OTOF: variants seen among roughly 807,000 people sequenced by gnomAD.
OTOF encodes the protein fer-1-like family member 2.
Under a neutral mutation model 236.8 loss-of-function variants are expected in OTOF, and 218 were observed. That is an observed-to-expected ratio of 0.92 (90% CI 0.82 to 1.03). The LOEUF (loss-of-function observed/expected upper bound fraction) is 1.03, where lower values mean the gene tolerates loss of function less well. Among genes scored for constraint, OTOF ranks in the 50% least tolerant of loss-of-function variants. The pLI is 0.00. For missense variants in OTOF, 2,590 were observed against 2,694.4 expected, an observed-to-expected ratio of 0.96 and a Z score of 0.86; for synonymous variants, 1,041 against 1,072.5, an observed-to-expected ratio of 0.97 and a Z score of 0.57.
chr2:26,532,034 A>G lies in OTOF; in HGVS notation c.139-4114T>C, dbSNP rs530745801. Among the ~76,000 whole-genome samples, 3 of 141,038 alleles carry G rather than the reference A, an allele frequency of 2.1e-5. No homozygotes were observed. The South Asian group carries it at 7.1e-4, about 33-fold the overall frequency. 92.5% of individuals were successfully genotyped at this position (141,038 alleles called of 152,430 possible). On this transcript the variant is annotated intron_variant, in intron 2 of 46. Transcript: ENST00000272371. Reference sequence around the variant, plus strand: ...CTTGAACCTGGGAGGCAGAGGTTGCAGTGAGCCCAGATGGCACCATTGCAC... The same window carrying G: ...CTTGAACCTGGGAGGCAGAGGTTGCGGTGAGCCCAGATGGCACCATTGCAC...
chr2:26,508,232 T>C (rs79154370), intron 5 of OTOF, among the ~76,000 whole-genome samples: 4,980 of 152,334 alleles, frequency 0.033, 103 homozygotes, highest in East Asian at 0.054. Context: ...GTGGTCCTTC[T>C]TTGCATTGCT....
intron 32 of OTOF, among the ~76,000 whole-genome samples, chr2:26,469,578 C>T (rs1664886756): frequency 6.6e-6 from 1 of 152,216 alleles, no homozygotes; most frequent in Non-Finnish European, 1.5e-5. Flanking sequence ...TATGCCTCAT[C>T]TCCTCTTTAA....
chr2:26,494,407 G>A (rs901817544), intron 9 of OTOF, among the ~76,000 whole-genome samples: 16 of 152,400 alleles, frequency 1.0e-4, no homozygotes, highest in Middle Eastern at 3.4e-3. Context: ...CCACTAGCAC[G>A]CCAAGGGCGA....
rs552164313 is a variant in OTOF at position 26,511,146 on chromosome 2, C to A, written c.509+5272G>T. 7.9e-5 allele frequency among the ~76,000 whole-genome samples: 12 copies of A among 152,254 alleles called. No individual in the cohort carries two copies. The East Asian group carries it at 1.4e-3, about 17-fold the overall frequency. On this transcript the variant is annotated intron_variant, in intron 5 of 46. Transcript: ENST00000272371. ...CCCTCCCGGCCTGGGCCACCCTGCT[C>A]CTCTGCCCACCGGCTCCCCTGCTCC...
At chr2:26,502,487 C>G (rs1418844088) in intron 6 of OTOF, 61 bp from the exon 7 acceptor site, 6 of 1,550,474 alleles carry the variant, frequency 3.9e-6, no homozygotes, top group African/African-American at 1.4e-5. Context: ...GACCATTTCT[C>G]CTTTTACTCT....
chr2:26,524,854 TGCACAGCTAGG>T (rs1244404053), intron 3 of OTOF, among the ~76,000 whole-genome samples: 8 of 152,246 alleles, frequency 5.3e-5, no homozygotes, highest in Admixed American at 5.2e-4. Flanking sequence ...TTTCCCCTCC[TGCACAGCTAGG>T]GCTGTAGTGG....
At position 26,477,378 on chromosome 2, in the gene OTOF, C is replaced by A; in HGVS notation, c.2406+38G>T. 6.4e-7 allele frequency: 1 copy of A among 1,568,590 alleles called. No individual in the cohort carries two copies. Among genetic ancestry groups the A allele is most frequent in the South Asian group, 1.2e-5 (1 of 86,032 alleles). ...GTTGTGACACCTTCTCACAACCAGGCCCTCCCTCCAGCCCCCGCCGTCCAG... is the reference window on the plus strand; with the variant it reads ...GTTGTGACACCTTCTCACAACCAGGACCTCCCTCCAGCCCCCGCCGTCCAG... On this transcript the variant is annotated intron_variant, in intron 20 of 46. Coordinates refer to ENST00000272371, the MANE Select transcript of OTOF (RefSeq NM_194248.3). This position sits in a 1 kb window ranked among gnomAD's most constrained non-coding sequence, Gnocchi z 4.7.
At chr2:26,506,014 C>T (rs1375775870) in intron 5 of OTOF, among the ~76,000 whole-genome samples, 5 of 152,178 alleles carry the variant, frequency 3.3e-5, no homozygotes, top group Non-Finnish European at 7.4e-5. Flanking sequence ...CAGAAATAAT[C>T]GTGTGATGGT....
intron 14 of OTOF, among the ~76,000 whole-genome samples, chr2:26,482,034 G>A (rs1245086547): frequency 6.6e-6 from 1 of 151,920 alleles, no homozygotes; most frequent in African/African-American, 2.4e-5. Flanking sequence ...CTACTATTAG[G>A]TATCATATAT....
At chr2:26,464,182 G>A (rs1664618852) in intron 39 of OTOF, 76 bp from the exon 40 acceptor site, 1 of 1,569,386 alleles carries the variant, frequency 6.4e-7, no homozygotes, top group South Asian at 1.1e-5. Context: ...AGGGACTTAG[G>A]AGCACAAAGA....
In OTOF at chr2:26,462,022, G is replaced by GC. The variant is rs1269433841; in HGVS notation, c.5291+60dup. 8.1e-6 allele frequency: 13 copies of GC among 1,611,564 alleles called. No homozygotes were observed. Among genetic ancestry groups the GC allele is most frequent in the South Asian group, 5.5e-5 (5 of 91,010 alleles). Reference sequence around the variant, plus strand: ...CCACCTTCCCTCTGCCTCCTCTCCTGCCCCCCGGGAAGCAAGCCCCACCCA... The same window carrying GC: ...CCACCTTCCCTCTGCCTCCTCTCCTGCCCCCCCGGGAAGCAAGCCCCACCCA... On this transcript the variant is annotated intron_variant, in intron 42 of 46. Transcript: ENST00000272371. This position sits in a 1 kb window ranked among gnomAD's most constrained non-coding sequence, Gnocchi z 4.7.
At chr2:26,540,660 G>A (rs143402722) in intron 1 of OTOF, among the ~76,000 whole-genome samples, 6 of 152,240 alleles carry the variant, frequency 3.9e-5, no homozygotes, top group East Asian at 1.9e-4. Context: ...CGGGGGTGGC[G>A]GGGTCGTTGA....
At chr2:26,555,677 G>C (rs1467531638) in intron 1 of OTOF, among the ~76,000 whole-genome samples, 2 of 152,196 alleles carry the variant, frequency 1.3e-5, no homozygotes, top group Non-Finnish European at 2.9e-5. Context: ...CTACAGAGCA[G>C]AGTCCAGGCT....
intron 6 of OTOF, 33 bp downstream of exon 6, chr2:26,503,739 G>C (rs1033471083): frequency 2.5e-6 from 4 of 1,592,078 alleles, no homozygotes; most frequent in South Asian, 2.2e-5. Flanking sequence ...CGCGAGGCGC[G>C]GGGCTGCGGG....
intron 5 of OTOF, among the ~76,000 whole-genome samples, chr2:26,515,122 G>T (rs142281460): frequency 6.6e-6 from 1 of 152,358 alleles, no homozygotes; most frequent in East Asian, 1.9e-4. Context: ...TCTCCCAGCA[G>T]CAGGGCAGGG....
At chr2:26,479,916 C>T (rs1025388081) in intron 16 of OTOF, among the ~76,000 whole-genome samples, 1 of 152,254 alleles carries the variant, frequency 6.6e-6, no homozygotes, top group South Asian at 2.1e-4. Flanking sequence ...TCTCCAGCCC[C>T]GGGAAGGGCT....
chr2:26,540,263 A>G (rs760279863), intron 1 of OTOF, among the ~76,000 whole-genome samples: 7 of 152,246 alleles, frequency 4.6e-5, no homozygotes, highest in Non-Finnish European at 7.3e-5. Context: ...CTCCACCAGC[A>G]TAAACCATTT....
At position 26,474,480 on chromosome 2, in the gene OTOF, C is replaced by T. The variant is rs1293509205; in HGVS notation, c.3288+33G>A. On this transcript the variant is annotated intron_variant, in intron 26 of 46. Coordinates refer to ENST00000272371, the MANE Select transcript of OTOF (RefSeq NM_194248.3). ...GGCCCCAACTCCCAGCCTCCAGTCC[C>T]CAGGCCTCAGCCCCTCTTCCCTGCA... 4 of 1,562,632 alleles carry T rather than the reference C, an allele frequency of 2.6e-6. No homozygotes were observed. The African/African-American group carries it at 4.1e-5, about 16-fold the overall frequency.
intron 12 of OTOF, 72 bp from the exon 13 acceptor site, chr2:26,483,720 C>T (rs755768797): frequency 7.3e-7 from 1 of 1,368,478 alleles, no homozygotes; most frequent in South Asian, 1.2e-5. Flanking sequence ...CATCTACACA[C>T]TCCTGGGTCC....
Sources: gnomAD v4.1 joint callset for allele counts (sites outside exome capture counted in the v4.1 genomes callset) on GRCh38, gnomAD v4.1.1 for gene constraint, Gnocchi (gnomAD v3.1) non-coding constraint, MANE v1.5 for transcripts, NCBI Gene and HGNC (gene_info 2026-07-23, HGNC 2026-07-21) for gene names.